The following PTPN13 variants were observed in gnomAD, a reference collection of about 807,000 sequenced individuals.
PTPN13 encodes tyrosine-protein phosphatase non-receptor type 13.
PTPN13 carries 191 observed loss-of-function variants against 284.0 expected under a neutral mutation model. The observed-to-expected ratio is 0.67, with a 90% CI of 0.60 to 0.76. The LOEUF (loss-of-function observed/expected upper bound fraction) is 0.76, where lower values mean the gene tolerates loss of function less well. PTPN13 is among the 30% of genes least tolerant of loss of function. PTPN13 has a pLI of 0.00. For synonymous variants in PTPN13, 986 were observed against 1,022.3 expected, an observed-to-expected ratio of 0.96 and a Z score of 0.68; for missense variants, 2,797 against 2,939.9, an observed-to-expected ratio of 0.95 and a Z score of 1.12.
intron 17 of PTPN13, among the ~76,000 whole-genome samples, chr4:86,747,768 C>A (rs1296955701): frequency 1.3e-5 from 2 of 152,192 alleles, no homozygotes; most frequent in Non-Finnish European, 2.9e-5. Context: ...ATGGTGTGAT[C>A]TATATTTTTC....
intron 45 of PTPN13, among the ~76,000 whole-genome samples, chr4:86,809,385 A>C (rs957280114): frequency 6.6e-6 from 1 of 152,200 alleles, no homozygotes; most frequent in Non-Finnish European, 1.5e-5. Flanking sequence ...CCAAAATTTG[A>C]AAGCACAATA....
intron 33 of PTPN13, 131 bp downstream of exon 33, chr4:86,774,662 G>T: frequency 1.7e-6 from 1 of 588,322 alleles, no homozygotes; most frequent in Non-Finnish European, 2.5e-6. Context: ...CCACTTAAAA[G>T]TAAAGGCCTT....
At chr4:86,617,748 G>C (rs892506430) in intron 1 of PTPN13, among the ~76,000 whole-genome samples, 17 of 151,994 alleles carry the variant, frequency 1.1e-4, no homozygotes, top group Non-Finnish European at 1.8e-4. Flanking sequence ...AGTGTCTGTT[G>C]ATATCCTTCA....
chr4:86,779,596 C>T (rs1195913575), intron 35 of PTPN13, among the ~76,000 whole-genome samples: 1 of 152,090 alleles, frequency 6.6e-6, no homozygotes, highest in African/African-American at 2.4e-5. Flanking sequence ...TGGTTGCACA[C>T]TGCAGATACA....
rs757752256 is a variant in PTPN13, at chr4:86,745,037, ATGCCAG to A, written c.2561_2566del (p.Cys854_Gln855del). On this transcript the variant is annotated inframe_deletion, in exon 17 of 48. Coordinates refer to ENST00000411767, the MANE Select transcript of PTPN13 (RefSeq NM_080683.3). ...GCTTCCAGACAGACAACAGTAAGAT[ATGCCAG>A]TACCTGCTGCACCTCTGCTCTTACC... is the stretch of plus-strand genomic sequence containing the variant. The A allele has an allele frequency of 6.2e-7, 1 of 1,608,858 alleles. No homozygotes were observed. The highest frequency in any genetic ancestry group is 1.1e-5 in the South Asian group (1 of 89,692).
Position 86,672,414 on chromosome 4 carries a change from T to A in PTPN13, c.165T>A (p.Ser55=). 6.4e-7 allele frequency: 1 copy of A among 1,559,978 alleles called. No individual in the cohort carries two copies. Among genetic ancestry groups the A allele is most frequent in the African/African-American group, 1.4e-5 (1 of 73,766 alleles). ...TTGGCTTCATCATTTCTCCATGGTC[T>A]CTGCTGTTGCTGCCATCTGGTAGTG... The part of the protein sequence containing the change: ...AALGFIISPW[S]LLLLPSGSVS... Residue 55 remains serine (S), a synonymous_variant, in exon 3 of 48, where the codon TCT becomes TCA. Transcript: ENST00000411767.
intron 2 of PTPN13, among the ~76,000 whole-genome samples, chr4:86,662,521 G>A (rs1726622923): frequency 6.6e-6 from 1 of 152,088 alleles, no homozygotes; most frequent in Non-Finnish European, 1.5e-5. Context: ...TAGTAGAGAT[G>A]GGATTTTGCC....
intron 2 of PTPN13, among the ~76,000 whole-genome samples, chr4:86,670,905 T>G (rs1243043312): frequency 2.6e-5 from 4 of 152,242 alleles, no homozygotes; most frequent in African/African-American, 7.2e-5. Context: ...CTGTGATGAT[T>G]CATTGAAATG....
intron 34 of PTPN13, 40 bp downstream of exon 34, chr4:86,775,382 G>A (rs1482767699): frequency 6.2e-7 from 1 of 1,601,686 alleles, no homozygotes; most frequent in Non-Finnish European, 8.5e-7. Context: ...GATTTTCTTG[G>A]TTAGCTTAAG....
chr4:86,707,361 T>C (rs1731882734), intron 7 of PTPN13, among the ~76,000 whole-genome samples: 1 of 152,242 alleles, frequency 6.6e-6, no homozygotes, highest in Non-Finnish European at 1.5e-5. Context: ...TCTAGTAGTG[T>C]GATCTCTGGT....
chr4:86,640,006 G>C (rs1278971374), intron 2 of PTPN13, among the ~76,000 whole-genome samples: 1 of 152,152 alleles, frequency 6.6e-6, no homozygotes, highest in Non-Finnish European at 1.5e-5. Flanking sequence ...GAACCTTCTG[G>C]AAAGATGTAG....
intron 20 of PTPN13, among the ~76,000 whole-genome samples, chr4:86,753,307 T>G (rs185572090): frequency 9.9e-5 from 15 of 152,162 alleles, no homozygotes; most frequent in South Asian, 4.2e-4. Context: ...AGATAATAGT[T>G]CAGGTGGGAG....
chr4:86,602,467 A>G (rs1439829071), intron 1 of PTPN13, among the ~76,000 whole-genome samples: 2 of 149,578 alleles, frequency 1.3e-5, no homozygotes, highest in Admixed American at 6.8e-5. Context: ...TAGTATACTT[A>G]TATTTGATTT....
At chr4:86,739,271 T>C (rs1735882364) in intron 15 of PTPN13, among the ~76,000 whole-genome samples, 1 of 152,172 alleles carries the variant, frequency 6.6e-6, no homozygotes, top group Non-Finnish European at 1.5e-5. Context: ...TTAAACTACA[T>C]TGATATAGTG....
chr4:86,623,367 C>T (rs751209083), intron 1 of PTPN13, among the ~76,000 whole-genome samples: 3 of 152,106 alleles, frequency 2.0e-5, no homozygotes, highest in Non-Finnish European at 4.4e-5. Flanking sequence ...TCCACTCAGA[C>T]TCACATACTA....
intron 15 of PTPN13, among the ~76,000 whole-genome samples, chr4:86,738,744 G>A (rs781200103): frequency 1.1e-4 from 16 of 152,048 alleles, no homozygotes; most frequent in African/African-American, 2.7e-4. Flanking sequence ...TCAGTGGTGC[G>A]ATCTTGGCTC....
At chr4:86,796,734 T>G in intron 40 of PTPN13, 140 bp from the exon 41 acceptor site, 1 of 602,680 alleles carries the variant, frequency 1.7e-6, no homozygotes, top group Non-Finnish European at 3.0e-6. Context: ...TGGAGTGTAT[T>G]AATTGAATGT....
At chr4:86,764,050 A>G (rs1399935063) in intron 24 of PTPN13, among the ~76,000 whole-genome samples, 1 of 152,194 alleles carries the variant, frequency 6.6e-6, no homozygotes, top group Non-Finnish European at 1.5e-5. Flanking sequence ...TCTTATAAAT[A>G]GGGCTTAGCT....
intron 13 of PTPN13, 72 bp from the exon 14 acceptor site, chr4:86,734,665 A>G (rs890228610): frequency 7.3e-6 from 11 of 1,510,770 alleles, no homozygotes; most frequent in Non-Finnish European, 8.1e-6. Context: ...TTAACCTTAC[A>G]TGCCTATAAT....
Sources: allele counts gnomAD v4.1 joint callset (sites outside exome capture counted in the v4.1 genomes callset), GRCh38; gene constraint gnomAD v4.1.1; transcripts MANE v1.5; gene names NCBI Gene and HGNC (gene_info 2026-07-23, HGNC 2026-07-21).